JAK1: variants seen among roughly 807,000 people sequenced by gnomAD.
JAK1 encodes Janus kinase 1, also known as tyrosine-protein kinase JAK1.
JAK1 carries 16 observed loss-of-function variants against 136.6 expected under a neutral mutation model. The observed-to-expected ratio is 0.12, with a 90% CI of 0.08 to 0.18. The LOEUF is 0.18. Among genes scored for constraint, JAK1 ranks in the 10% least tolerant of loss-of-function variants. The probability of loss-of-function intolerance (pLI) is 1.00; values close to 1 mark genes in which losing one functional copy is unlikely to be tolerated. For missense variants in JAK1, 859 were observed against 1,450.1 expected, an observed-to-expected ratio of 0.59 and a Z score of 6.62; for synonymous variants, 492 against 519.5, an observed-to-expected ratio of 0.95 and a Z score of 0.72.
chr1:65,037,576 T>C (rs1446740633), intron 2 of JAK1, among the ~76,000 whole-genome samples: 16 of 152,236 alleles, frequency 1.1e-4, no homozygotes, highest in Non-Finnish European at 1.5e-5. Flanking sequence ...CTTCAGACTG[T>C]ACATTTCTAG....
chr1:64,937,722 A>G (rs1645814630), intron 1 of JAK1, among the ~76,000 whole-genome samples: 1 of 152,176 alleles, frequency 6.6e-6, no homozygotes, highest in South Asian at 2.1e-4. Context: ...TTTTTCAGAC[A>G]TATCCTTAAA....
In JAK1 at chr1:64,834,085, G is replaced by A. The variant is rs186694656; in HGVS notation, c.*477C>T. The A allele has an allele frequency of 8.3e-4, 203 of 245,526 alleles. 1 individual carries two copies. Among genetic ancestry groups the A allele is most frequent in the Non-Finnish European group, 1.3e-3 (167 of 124,258 alleles). 15.2% of individuals were successfully genotyped at this position (245,526 alleles called of 1,614,324 possible). On this transcript the variant is annotated 3_prime_UTR_variant, in exon 25 of 25. Transcript: ENST00000342505. Reference sequence around the variant, plus strand: ...TTTTAAGAATGCATGGTCTAGTACTGTATAGATACTGAAATTTGAGGGCTA... The same window carrying A: ...TTTTAAGAATGCATGGTCTAGTACTATATAGATACTGAAATTTGAGGGCTA...
At chr1:64,928,700 G>A (rs1228585665) in intron 1 of JAK1, among the ~76,000 whole-genome samples, 1 of 130,932 alleles carries the variant, frequency 7.6e-6, no homozygotes, top group African/African-American at 2.8e-5. Flanking sequence ...AAAGGACTGA[G>A]GCTGCAATAT....
At chr1:65,032,578 C>T (rs1210952010) in intron 2 of JAK1, among the ~76,000 whole-genome samples, 2 of 152,128 alleles carry the variant, frequency 1.3e-5, no homozygotes, top group African/African-American at 4.8e-5. Flanking sequence ...TTTCAAATGA[C>T]CTGGCTTTAT....
intron 1 of JAK1, among the ~76,000 whole-genome samples, chr1:64,897,049 C>T (rs763286316): frequency 3.7e-4 from 56 of 152,028 alleles, no homozygotes; most frequent in Non-Finnish European, 5.9e-4. Context: ...ACTATCACTA[C>T]GAAGAAGGTG....
chr1:64,903,881 C>A (rs1422278457), intron 1 of JAK1, among the ~76,000 whole-genome samples: 8 of 152,208 alleles, frequency 5.3e-5, no homozygotes, highest in Non-Finnish European at 1.2e-4. Flanking sequence ...TAGATTATCA[C>A]AATCAAGCTC....
At chr1:64,899,519 A>G (rs1385667133) in intron 1 of JAK1, among the ~76,000 whole-genome samples, 1 of 152,180 alleles carries the variant, frequency 6.6e-6, no homozygotes, top group Non-Finnish European at 1.5e-5. Flanking sequence ...GATAGTCACT[A>G]TTCAGTTTTT....
At chr1:64,958,117 C>T (rs1011002029) in intron 1 of JAK1, among the ~76,000 whole-genome samples, 12 of 152,198 alleles carry the variant, frequency 7.9e-5, no homozygotes, top group Admixed American at 6.5e-4. Context: ...TTCTCACATA[C>T]AGTGAGATCT....
intron 1 of JAK1, among the ~76,000 whole-genome samples, chr1:65,064,143 CACTT>C (rs1450728177): frequency 2.6e-5 from 4 of 152,186 alleles, no homozygotes; most frequent in African/African-American, 4.8e-5. Flanking sequence ...GATTTCAAAA[CACTT>C]AGTTTCAAAA....
At chr1:65,001,585 G>A (rs1278907082) in intron 2 of JAK1, among the ~76,000 whole-genome samples, 1 of 151,872 alleles carries the variant, frequency 6.6e-6, no homozygotes, top group Non-Finnish European at 1.5e-5. Context: ...ATGTCTAAGA[G>A]GTAGCAAGTG....
At chr1:64,977,504 C>T (rs1646506926) in intron 2 of JAK1, among the ~76,000 whole-genome samples, 1 of 149,660 alleles carries the variant, frequency 6.7e-6, no homozygotes, top group African/African-American at 2.5e-5. Context: ...AATCTTGGCT[C>T]ACTGCAAGCT....
chr1:64,901,661 C>T (rs1274151183), intron 1 of JAK1, among the ~76,000 whole-genome samples: 1 of 152,118 alleles, frequency 6.6e-6, no homozygotes, highest in East Asian at 1.9e-4. Context: ...CCTATAATGA[C>T]ATTTAAATTT....
chr1:64,912,522 A>G (rs1645301488), intron 1 of JAK1, among the ~76,000 whole-genome samples: 1 of 152,256 alleles, frequency 6.6e-6, no homozygotes, highest in Admixed American at 6.5e-5. Flanking sequence ...GTCAAAAGAT[A>G]GTAATGGTCA....
At chr1:64,888,028 G>C (rs929355572) in intron 1 of JAK1, among the ~76,000 whole-genome samples, 2 of 152,140 alleles carry the variant, frequency 1.3e-5, no homozygotes, top group African/African-American at 4.8e-5. Context: ...TGACCAGAGG[G>C]GAGTACTGAA....
chr1:65,044,749 G>A (rs1180965383), intron 1 of JAK1, among the ~76,000 whole-genome samples: 2 of 152,184 alleles, frequency 1.3e-5, no homozygotes, highest in Non-Finnish European at 1.5e-5. Context: ...TACAAGAGAG[G>A]AGTGAAGCAA....
intron 2 of JAK1, among the ~76,000 whole-genome samples, chr1:65,033,689 A>G (rs1647044851): frequency 6.7e-6 from 1 of 149,396 alleles, no homozygotes. Context: ...GGAGTTTGAG[A>G]TCAGCCCAGG....
chr1:64,932,080 T>C (rs933010540), intron 1 of JAK1, among the ~76,000 whole-genome samples: 2 of 151,448 alleles, frequency 1.3e-5, no homozygotes, highest in African/African-American at 4.9e-5. Context: ...CATTTAACGC[T>C]CATACCAACA....
intron 2 of JAK1, among the ~76,000 whole-genome samples, chr1:65,039,336 G>C (rs997992104): frequency 6.6e-6 from 1 of 152,082 alleles, no homozygotes; most frequent in Admixed American, 6.5e-5. Context: ...TGTTATAAAA[G>C]TTCCTAGTAT....
intron 1 of JAK1, among the ~76,000 whole-genome samples, chr1:65,054,021 A>C (rs1205870466): frequency 1.3e-5 from 2 of 152,184 alleles, no homozygotes; most frequent in African/African-American, 4.8e-5. Flanking sequence ...GAGGTAGTCT[A>C]ATGTTCCTAA....
Sources: allele counts gnomAD v4.1 joint callset (sites outside exome capture counted in the v4.1 genomes callset), GRCh38; gene constraint gnomAD v4.1.1; transcripts MANE v1.5; gene names NCBI Gene and HGNC (gene_info 2026-07-23, HGNC 2026-07-21).